Variants in SMARCD1 observed in about 807,000 individuals in gnomAD.
SMARCD1 encodes SWI/SNF related BAF chromatin remodeling complex subunit D1.
In SMARCD1, 16 loss-of-function variants were observed where a neutral mutation model predicts 70.8. The ratio of observed to expected loss-of-function variants is 0.23; its 90% CI spans 0.15 to 0.34. The LOEUF (loss-of-function observed/expected upper bound fraction) is 0.34, where lower values mean the gene tolerates loss of function less well. Among genes scored for constraint, SMARCD1 ranks in the 10% least tolerant of loss-of-function variants. SMARCD1 has a pLI of 1.00. For synonymous variants in SMARCD1, 249 were observed against 246.0 expected, an observed-to-expected ratio of 1.01 and a Z score of -0.11; for missense variants, 409 against 655.5, an observed-to-expected ratio of 0.62 and a Z score of 4.11.
chr12:50,089,853 A>C, intron 6 of SMARCD1, 31 bp from the exon 7 acceptor site: 20 of 1,302,688 alleles, frequency 1.5e-5, no homozygotes, highest in Non-Finnish European at 2.1e-5. Context: ...TTCCTCTGGG[A>C]GAGCACCCCC....
intron 5 of SMARCD1, chr12:50,088,309 A>G (rs1295584462): frequency 1.8e-5 from 13 of 703,312 alleles, no homozygotes; most frequent in Non-Finnish European, 2.3e-5. Flanking sequence ...GTGACCCTCT[A>G]TGTGTTCTAG....
At chr12:50,085,976 G>A (rs1592285912) in intron 1 of SMARCD1, 185 bp from the exon 2 acceptor site, 3 of 424,812 alleles carry the variant, frequency 7.1e-6, no homozygotes, top group East Asian at 6.9e-5. Flanking sequence ...TCTGGCTCTC[G>A]CTTAGCTTTT....
rs1950931089 is a variant in SMARCD1, at chr12:50,100,439, G to A, written c.*1439G>A. On this transcript the variant is annotated 3_prime_UTR_variant, in exon 13 of 13. Transcript: ENST00000394963. ...CCCTTCCTGCCATTTTCCCTCCCTT[G>A]AAAGGTTGACACTGGACAACCTTGG... 6.6e-6 allele frequency: 1 copy of A among 150,616 alleles called. No homozygotes were observed. The highest frequency in any genetic ancestry group is 2.5e-5 in the African/African-American group (1 of 40,666). The allele number at this position is 150,616 out of a possible 1,614,324, so 9.3% of individuals were successfully genotyped here.
chr12:50,086,449 T>C, intron 2 of SMARCD1, 101 bp downstream of exon 2: 3 of 1,102,780 alleles, frequency 2.7e-6, no homozygotes, highest in Non-Finnish European at 2.6e-6. Flanking sequence ...TGTCAGCAGA[T>C]GGTGCTACAG....
In SMARCD1 at chr12:50,086,057, TA is replaced by T. The variant is rs1210340858; in HGVS notation, c.178-101del. The T allele has an allele frequency of 1.0e-5, 9 of 888,604 alleles. No homozygotes were observed. The East Asian group carries it at 2.3e-4, about 23-fold the overall frequency. 55.0% of individuals were successfully genotyped at this position (888,604 alleles called of 1,614,324 possible). A position where few individuals can be genotyped will look rare whatever the true frequency, so the allele number is the denominator to read the frequency against. ...CTCTCATTGTCCTCCATTCCATCCC[TA>T]AACCTTACTTCATTCAAAGATCTCA... On this transcript the variant is annotated intron_variant, in intron 1 of 12. Coordinates refer to ENST00000394963, the MANE Select transcript of SMARCD1 (RefSeq NM_003076.5).
At chr12:50,090,127 T>C in intron 7 of SMARCD1, 114 bp from the exon 8 acceptor site, 1 of 1,344,200 alleles carries the variant, frequency 7.4e-7, no homozygotes, top group East Asian at 2.3e-5. Context: ...GAGTTCTTCC[T>C]AGAATTTTTC....
chr12:50,086,929 C>A, intron 4 of SMARCD1, 51 bp downstream of exon 4: 2 of 1,591,274 alleles, frequency 1.3e-6, no homozygotes, highest in Non-Finnish European at 1.7e-6. Context: ...ACCCAGGAAC[C>A]TTCAGCAGAA....
intron 9 of SMARCD1, among the ~76,000 whole-genome samples, chr12:50,090,868 A>C (rs1388238827): frequency 9.1e-6 from 1 of 109,424 alleles, no homozygotes; most frequent in African/African-American, 3.6e-5. Flanking sequence ...TCTGTTGCCC[A>C]GGCTGGAGTC....
chr12:50,090,219 C>G, intron 7 of SMARCD1, 22 bp from the exon 8 acceptor site: 1 of 1,598,258 alleles, frequency 6.3e-7, no homozygotes, highest in Non-Finnish European at 8.5e-7. Flanking sequence ...AGCTTCATCC[C>G]CTATACTTTG....
intron 10 of SMARCD1, among the ~76,000 whole-genome samples, chr12:50,096,079 A>C (rs1386861440): frequency 6.6e-6 from 1 of 152,218 alleles, no homozygotes; most frequent in Non-Finnish European, 1.5e-5. Flanking sequence ...GCAGTAATCC[A>C]TGTGAGACGT....
Position 50,091,275 on chromosome 12 carries a change from AT to A in SMARCD1, c.1133+702del, listed in dbSNP as rs1231476985. 5.4e-3 allele frequency among the ~76,000 whole-genome samples: 753 copies of A among 139,210 alleles called. 5 individuals are homozygous for A. The highest frequency in any genetic ancestry group is 0.037 in the East Asian group (179 of 4,830). 91.3% of individuals were successfully genotyped at this position (139,210 alleles called of 152,430 possible). On this transcript the variant is annotated intron_variant, in intron 9 of 12. Transcript: ENST00000394963. ...GTAATGTTGGTAGCTTGAAATCAGA[AT>A]TTTTTTTTTTTTTTTTGGGATGGAG...
In SMARCD1 at chr12:50,086,205, T is replaced by A. The variant is rs1453503849; in HGVS notation, c.222T>A (p.Pro74=). The change falls in exon 2 of 13, where the codon CCT becomes CCA. Residue 74 remains proline (P), a synonymous_variant. Coordinates refer to ENST00000394963, the MANE Select transcript of SMARCD1 (RefSeq NM_003076.5). ...GCAGCCGAATGACACCTCAGGGACC[T>A]TCCATGGGACCCCCTGGCTATGGGG... The part of the protein sequence containing the change: ...LPGSRMTPQG[P]SMGPPGYGGN... 6.2e-7 allele frequency: 1 copy of A among 1,603,932 alleles called. No individual in the cohort carries two copies. The highest frequency in any genetic ancestry group is 1.7e-5 in the Admixed American group (1 of 58,742).
At chr12:50,087,157 G>A (rs1251888317) in intron 4 of SMARCD1, among the ~76,000 whole-genome samples, 1 of 152,196 alleles carries the variant, frequency 6.6e-6, no homozygotes, top group Non-Finnish European at 1.5e-5. Context: ...GCATGACTTT[G>A]TCCACCTGGC....
At chr12:50,088,829 T>C (rs1950815863) in intron 6 of SMARCD1, 192 bp downstream of exon 6, 1 of 375,698 alleles carries the variant, frequency 2.7e-6, no homozygotes, top group African/African-American at 2.1e-5. Context: ...CAAGGGCTCT[T>C]GTAACCTAAC....
intron 10 of SMARCD1, among the ~76,000 whole-genome samples, chr12:50,096,239 A>T (rs965806862): frequency 6.6e-6 from 1 of 152,184 alleles, no homozygotes; most frequent in African/African-American, 2.4e-5. Context: ...GATGCCTCCC[A>T]GGTCTCTAGC....
Position 50,087,484 on chromosome 12 carries a change from ATG to A in SMARCD1, c.654+2_654+3del. 6.2e-7 allele frequency: 1 copy of A among 1,613,534 alleles called. No homozygotes were observed. Among genetic ancestry groups the A allele is most frequent in the Non-Finnish European group, 8.5e-7 (1 of 1,179,806 alleles). ...CGGGTAGAAGGACGGCTCCTGGAGG[ATG>A]TGAGTTCAAGGTCCACAATGGTTGG... On this transcript the variant is annotated splice_donor_variant and coding_sequence_variant, in exon 5 of 13. Transcript: ENST00000394963. LOFTEE classifies it high-confidence loss of function.
intron 9 of SMARCD1, among the ~76,000 whole-genome samples, chr12:50,092,469 G>A (rs570600885): frequency 2.0e-5 from 3 of 149,052 alleles, no homozygotes; most frequent in East Asian, 2.0e-4. Context: ...TGATCCACCC[G>A]CCTCGGCCTC....
At chr12:50,089,651 T>C (rs1311654600) in intron 6 of SMARCD1, among the ~76,000 whole-genome samples, 1 of 152,246 alleles carries the variant, frequency 6.6e-6, no homozygotes, top group Non-Finnish European at 1.5e-5. Context: ...GATAAAATTA[T>C]CACTGGACAT....
intron 9 of SMARCD1, among the ~76,000 whole-genome samples, chr12:50,093,461 G>A (rs1469853242): frequency 6.6e-6 from 1 of 151,126 alleles, no homozygotes; most frequent in Non-Finnish European, 1.5e-5. Context: ...ACCGCACCTG[G>A]CCAAAAAAGT....
Sources: gnomAD v4.1 joint callset for allele counts (sites outside exome capture counted in the v4.1 genomes callset) on GRCh38, gnomAD v4.1.1 for gene constraint, MANE v1.5 for transcripts, NCBI Gene and HGNC (gene_info 2026-07-23, HGNC 2026-07-21) for gene names.